The following GNG2 variants were observed in gnomAD, a reference collection of about 807,000 sequenced individuals.
GNG2 encodes the protein G protein subunit gamma 2.
GNG2 carries 5 observed loss-of-function variants against 5.5 expected under a neutral mutation model. The observed-to-expected ratio is 0.91, with a 90% confidence interval of 0.48 to 1.92. The LOEUF (loss-of-function observed/expected upper bound fraction) is 1.92. GNG2 is among the 30% of genes most tolerant of loss of function. The pLI is 0.01. For synonymous variants in GNG2, 28 were observed against 32.0 expected, an observed-to-expected ratio of 0.88 and a Z score of 0.42; for missense variants, 55 against 88.4, an observed-to-expected ratio of 0.62 and a Z score of 1.52.
chr14:51,889,022 T>C (rs144661243), intron 2 of GNG2, among the ~76,000 whole-genome samples: 3 of 151,012 alleles, frequency 2.0e-5, no homozygotes, highest in African/African-American at 7.3e-5. Flanking sequence ...GACAAATCCA[T>C]AGAGACAGGA....
intron 2 of GNG2, among the ~76,000 whole-genome samples, chr14:51,840,144 C>T (rs902889286): frequency 7.2e-5 from 11 of 152,190 alleles, no homozygotes; most frequent in African/African-American, 1.9e-4. Flanking sequence ...ACTGCTCCAC[C>T]TGGGTAGCTC....
At chr14:51,831,788 T>C (rs1881199033) in intron 2 of GNG2, among the ~76,000 whole-genome samples, 1 of 152,192 alleles carries the variant, frequency 6.6e-6, no homozygotes. Context: ...TAAATCGCAG[T>C]CTAACATTTA....
At chr14:51,962,297 C>G (rs79792597) in intron 3 of GNG2, among the ~76,000 whole-genome samples, 3,029 of 152,160 alleles carry the variant, frequency 0.02, 100 homozygotes, top group African/African-American at 0.069. Flanking sequence ...TCTAATAGGT[C>G]TACAATCATA....
intron 2 of GNG2, among the ~76,000 whole-genome samples, chr14:51,841,959 A>G (rs967363083): frequency 3.3e-5 from 5 of 152,234 alleles, no homozygotes; most frequent in Admixed American, 6.5e-5. Flanking sequence ...AGAAAATCCC[A>G]TCAAGGAATA....
At chr14:51,935,041 T>TTTTG (rs1373738135) in intron 2 of GNG2, among the ~76,000 whole-genome samples, 1 of 145,690 alleles carries the variant, frequency 6.9e-6, no homozygotes, top group Admixed American at 6.8e-5. Context: ...TTTTTTTTTT[T>TTTTG]GGAGACGGAG....
intron 3 of GNG2, chr14:51,952,075 C>G: frequency 1.7e-6 from 1 of 600,216 alleles, no homozygotes; most frequent in Non-Finnish European, 2.9e-6. Flanking sequence ...CGATGTATAG[C>G]CAAGGTTGAG....
At chr14:51,838,982 A>G (rs1003820764) in intron 2 of GNG2, among the ~76,000 whole-genome samples, 2 of 152,252 alleles carry the variant, frequency 1.3e-5, no homozygotes, top group Non-Finnish European at 2.9e-5. Flanking sequence ...AATCTCCATT[A>G]CAGTGTGCTA....
chr14:51,830,178 T>C (rs562161316), intron 2 of GNG2, among the ~76,000 whole-genome samples: 1 of 152,338 alleles, frequency 6.6e-6, no homozygotes, highest in South Asian at 2.1e-4. Context: ...TCTTTTGACT[T>C]CCAGGATTCC....
At chr14:51,953,410 C>G (rs1401524863) in intron 3 of GNG2, among the ~76,000 whole-genome samples, 1 of 152,118 alleles carries the variant, frequency 6.6e-6, no homozygotes, top group Non-Finnish European at 1.5e-5. Context: ...ATCCAAGAAG[C>G]ATAGTTACCA....
intron 1 of GNG2, among the ~76,000 whole-genome samples, chr14:51,863,589 G>T (rs116529690): frequency 4.6e-5 from 7 of 152,002 alleles, no homozygotes; most frequent in Non-Finnish European, 5.9e-5. Flanking sequence ...CTGTGGTAGC[G>T]AGTACATTGA....
intron 2 of GNG2, among the ~76,000 whole-genome samples, chr14:51,935,773 T>A (rs116772815): frequency 6.6e-6 from 1 of 151,866 alleles, no homozygotes; most frequent in African/African-American, 2.4e-5. Flanking sequence ...TTTGGGGAGG[T>A]TGCAGGGAGC....
chr14:51,860,852 T>A (rs1882426248), intron 1 of GNG2, 62 bp downstream of exon 1: 1 of 152,146 alleles, frequency 6.6e-6, no homozygotes, highest in Admixed American at 6.5e-5. Flanking sequence ...TCGCTTGTGG[T>A]TTTAAGGTCC....
intron 2 of GNG2, among the ~76,000 whole-genome samples, chr14:51,931,269 G>C (rs914369738): frequency 6.6e-6 from 1 of 152,196 alleles, no homozygotes; most frequent in Non-Finnish European, 1.5e-5. Flanking sequence ...TGAAGCAAAA[G>C]GAAGCAGTAA....
chr14:51,863,010 G>A (rs1357944514), intron 1 of GNG2, among the ~76,000 whole-genome samples: 2 of 144,506 alleles, frequency 1.4e-5, no homozygotes, highest in African/African-American at 2.6e-5. Context: ...CTGCCATATG[G>A]CCAATGGCTG....
chr14:51,877,274 T>A (rs538093088), intron 1 of GNG2, among the ~76,000 whole-genome samples: 2 of 152,290 alleles, frequency 1.3e-5, no homozygotes, highest in African/African-American at 2.4e-5. Flanking sequence ...GGAAAGATTG[T>A]TCTTATTCAT....
chr14:51,894,055 T>G (rs553248920), intron 2 of GNG2, among the ~76,000 whole-genome samples: 18 of 150,522 alleles, frequency 1.2e-4, no homozygotes, highest in African/African-American at 4.5e-4. Flanking sequence ...TTTTAAACAT[T>G]TATTGCTATT....
chr14:51,899,050 T>A (rs959402812), intron 2 of GNG2, among the ~76,000 whole-genome samples: 1 of 152,152 alleles, frequency 6.6e-6, no homozygotes, highest in Non-Finnish European at 1.5e-5. Context: ...CCATCTCTAC[T>A]CTGGAATTGA....
chr14:51,843,734 C>A lies in GNG2; in HGVS notation c.64+15927C>A, dbSNP rs571878816. On this transcript the variant is annotated intron_variant, in intron 2 of 3. Coordinates refer to the GNG2 transcript ENST00000553432. ...CTCTTGACTAACAGTTTTAATGGTT[C>A]CTCATGTTTCCATTTTGATTGAATT... is the stretch of plus-strand genomic sequence containing the variant. 3.3e-5 allele frequency among the ~76,000 whole-genome samples: 5 copies of A among 152,278 alleles called. No homozygotes were observed. The South Asian group carries it at 1.0e-3, about 32-fold the overall frequency.
At chr14:51,923,785 G>T (rs1291202754) in intron 2 of GNG2, among the ~76,000 whole-genome samples, 1 of 152,128 alleles carries the variant, frequency 6.6e-6, no homozygotes, top group African/African-American at 2.4e-5. Flanking sequence ...ATGAATTTAA[G>T]ATACAAATGG....
Sources: allele counts gnomAD v4.1 joint callset (sites outside exome capture counted in the v4.1 genomes callset), GRCh38; gene constraint gnomAD v4.1.1; transcripts MANE v1.5; gene names NCBI Gene and HGNC (gene_info 2026-07-23, HGNC 2026-07-21).